Variants in MYZAP observed in about 807,000 individuals in gnomAD.
MYZAP encodes the protein myocardial zonula adherens protein.
In MYZAP, 66 loss-of-function variants were observed where a neutral mutation model predicts 69.4. The observed-to-expected ratio is 0.95, with a 90% confidence interval of 0.78 to 1.17. MYZAP has a LOEUF of 1.17. MYZAP is among the 50% of genes most tolerant of loss of function. MYZAP has a pLI of 0.00. For missense variants in MYZAP, 611 were observed against 556.2 expected (o/e 1.10, Z -0.99); for synonymous variants, 256 against 205.9 (o/e 1.24, Z -2.09).
At chr15:57,610,451 G>A (rs185229337) in intron 2 of MYZAP, among the ~76,000 whole-genome samples, 67 of 152,272 alleles carry the variant, frequency 4.4e-4, no homozygotes, top group African/African-American at 1.5e-3. Flanking sequence ...TGGGGGCCGG[G>A]CTGCCCTTTG....
intron 10 of MYZAP, among the ~76,000 whole-genome samples, chr15:57,645,641 T>C (rs1462246608): frequency 6.6e-6 from 1 of 152,234 alleles, no homozygotes; most frequent in Admixed American, 6.5e-5. Context: ...TGGCTGTTAT[T>C]ATTACCACCT....
At chr15:57,603,839 C>T (rs1377973888) in intron 1 of MYZAP, among the ~76,000 whole-genome samples, 1 of 152,150 alleles carries the variant, frequency 6.6e-6, no homozygotes, top group Non-Finnish European at 1.5e-5. Context: ...TAAACATGTA[C>T]ATGTATATTG....
At chr15:57,646,673 T>A in intron 10 of MYZAP, 1 of 990,086 alleles carries the variant, frequency 1.0e-6, no homozygotes, top group Non-Finnish European at 1.2e-6. Context: ...CAGCCAGGTA[T>A]CCATGTGGTT....
chr15:57,642,282 C>T (rs1020747311), intron 10 of MYZAP, among the ~76,000 whole-genome samples: 5 of 152,148 alleles, frequency 3.3e-5, no homozygotes, highest in African/African-American at 4.8e-5. Flanking sequence ...TATGCTGTGC[C>T]TGTTTTTGTG....
chr15:57,668,894 A>ATATATAT (rs1252525814), intron 11 of MYZAP, among the ~76,000 whole-genome samples: 1 of 62,606 alleles, frequency 1.6e-5, no homozygotes, highest in African/African-American at 3.9e-5. Flanking sequence ...ATATATATAT[A>ATATATAT]TTTTTTTTTT....
chr15:57,597,639 G>T (rs2034146616), intron 1 of MYZAP, among the ~76,000 whole-genome samples: 2 of 152,172 alleles, frequency 1.3e-5, no homozygotes, highest in African/African-American at 2.4e-5. Flanking sequence ...GCCTAGTACA[G>T]AACACAGCCA....
At chr15:57,670,884 T>C (rs6493942) in intron 11 of MYZAP, among the ~76,000 whole-genome samples, 136,338 of 152,046 alleles carry the variant, frequency 0.9, 62,322 homozygotes, top group Non-Finnish European at 0.98. Context: ...TGCCATGATA[T>C]ACGTTCATTT....
At chr15:57,604,388 T>G in intron 2 of MYZAP, 33 bp downstream of exon 2, 1 of 1,612,656 alleles carries the variant, frequency 6.2e-7, no homozygotes. Context: ...CCCCAACAAG[T>G]TCCAGCCTCT....
chr15:57,673,463 CGTGTGTGTGT>C (rs3051249), intron 11 of MYZAP, among the ~76,000 whole-genome samples: 3,246 of 102,648 alleles, frequency 0.032, 91 homozygotes, highest in African/African-American at 0.085. Flanking sequence ...TGCGTGCATG[CGTGTGTGTGT>C]GTGTGTGTGT....
intron 1 of MYZAP, among the ~76,000 whole-genome samples, chr15:57,594,599 G>A (rs1334755900): frequency 2.0e-5 from 3 of 152,174 alleles, no homozygotes; most frequent in Non-Finnish European, 4.4e-5. Context: ...TGGAATGGTA[G>A]GCTATCTCAT....
intron 11 of MYZAP, among the ~76,000 whole-genome samples, chr15:57,662,726 G>A (rs1212992867): frequency 6.6e-6 from 1 of 152,142 alleles, no homozygotes; most frequent in Non-Finnish European, 1.5e-5. Flanking sequence ...TGAGGTTCGG[G>A]GGTATTAAGA....
At chr15:57,636,287 A>G (rs1295880215) in intron 8 of MYZAP, among the ~76,000 whole-genome samples, 3 of 152,158 alleles carry the variant, frequency 2.0e-5, no homozygotes, top group Admixed American at 2.0e-4. Context: ...TGCTGTAGAG[A>G]TTTAAAAACA....
At chr15:57,665,223 G>A (rs531537452) in intron 11 of MYZAP, among the ~76,000 whole-genome samples, 2 of 152,332 alleles carry the variant, frequency 1.3e-5, no homozygotes, top group South Asian at 4.1e-4. Context: ...ATAGGGCCCA[G>A]CAGTCCTTTG....
intron 10 of MYZAP, chr15:57,647,888 T>C (rs1163326557): frequency 2.0e-6 from 2 of 985,420 alleles, no homozygotes; most frequent in African/African-American, 1.7e-5. Flanking sequence ...TGGTGTGAAC[T>C]TGACTTATAC....
chr15:57,592,080 G>A lies in MYZAP; in HGVS notation c.46G>A (p.Ala16Thr), dbSNP rs1451876213. Residue 16 changes from alanine (A) to threonine (T), a missense_variant, in exon 1 of 13, where the codon GCC (alanine) becomes ACC (threonine). Coordinates refer to ENST00000267853, the MANE Select transcript of MYZAP (RefSeq NM_001018100.5). ...GGTCACCCTGCTCTCGGGCGGCGCCGCCAGGACGCCCGGGGCGCCCAGCAG... is the reference window on the plus strand; with the variant it reads ...GGTCACCCTGCTCTCGGGCGGCGCCACCAGGACGCCCGGGGCGCCCAGCAG... ...STVTLLSGGA[A>T]RTPGAPSRRA... 4 of 1,378,874 alleles carry A rather than the reference G, an allele frequency of 2.9e-6. No individual in the cohort carries two copies. Among genetic ancestry groups the A allele is most frequent in the Admixed American group, 3.4e-5 (1 of 29,398 alleles). 85.4% of individuals were successfully genotyped at this position (1,378,874 alleles called of 1,614,324 possible). A position where few individuals can be genotyped will look rare whatever the true frequency, so the allele number is the denominator to read the frequency against.
intron 5 of MYZAP, among the ~76,000 whole-genome samples, chr15:57,627,540 G>C (rs1471805944): frequency 6.6e-6 from 1 of 152,094 alleles, no homozygotes; most frequent in Non-Finnish European, 1.5e-5. Flanking sequence ...AGTACCTGGT[G>C]GACCGAGTCT....
At chr15:57,643,575 A>G (rs1333233876) in intron 10 of MYZAP, among the ~76,000 whole-genome samples, 2 of 152,144 alleles carry the variant, frequency 1.3e-5, no homozygotes, top group Admixed American at 6.5e-5. Context: ...TGCTCTCACC[A>G]TGGCTCTCCT....
intron 10 of MYZAP, among the ~76,000 whole-genome samples, chr15:57,651,286 C>A (rs181903946): frequency 2.7e-4 from 41 of 152,340 alleles, no homozygotes; most frequent in African/African-American, 9.1e-4. Flanking sequence ...CTCCCTTGGA[C>A]ACTCCTGTTC....
chr15:57,642,537 G>T (rs1391268012), intron 10 of MYZAP, among the ~76,000 whole-genome samples: 1 of 152,130 alleles, frequency 6.6e-6, no homozygotes, highest in East Asian at 1.9e-4. Context: ...CCTCACATGG[G>T]TCTGGAAGCT....
Sources: gnomAD v4.1 joint callset for allele counts (sites outside exome capture counted in the v4.1 genomes callset) on GRCh38, gnomAD v4.1.1 for gene constraint, MANE v1.5 for transcripts, NCBI Gene and HGNC (gene_info 2026-07-23, HGNC 2026-07-21) for gene names.